Variants in DPYSL2 observed in about 807,000 individuals in gnomAD.
The protein encoded by DPYSL2 is dihydropyrimidinase like 2.
Under a neutral mutation model 69.9 loss-of-function variants are expected in DPYSL2, and 13 were observed. The ratio of observed to expected loss-of-function variants is 0.19; its 90% CI spans 0.12 to 0.30. The LOEUF (loss-of-function observed/expected upper bound fraction) is 0.30. Among genes scored for constraint, DPYSL2 ranks in the 10% least tolerant of loss-of-function variants. The pLI, the probability that DPYSL2 is intolerant of heterozygous loss-of-function variation, is 1.00. For missense variants in DPYSL2, 587 were observed against 918.9 expected (o/e 0.64, Z 4.67); for synonymous variants, 326 against 359.1 (o/e 0.91, Z 1.04).
chr8:26,544,718 C>G (rs982309985), intron 1 of DPYSL2, among the ~76,000 whole-genome samples: 2 of 152,168 alleles, frequency 1.3e-5, no homozygotes, highest in Non-Finnish European at 2.9e-5. Flanking sequence ...TTTGAGAAGA[C>G]AGCTTTTCTG....
chr8:26,622,637 G>A (rs974256065), intron 3 of DPYSL2, among the ~76,000 whole-genome samples: 1 of 152,014 alleles, frequency 6.6e-6, no homozygotes, highest in African/African-American at 2.4e-5. Flanking sequence ...CAAGTAGCTG[G>A]GACTACAGGC....
chr8:26,612,480 G>A (rs372737288), intron 3 of DPYSL2, among the ~76,000 whole-genome samples: 33 of 152,308 alleles, frequency 2.2e-4, no homozygotes, highest in African/African-American at 7.7e-4. Context: ...TAGATTCTCC[G>A]CAAGAATGGC....
intron 1 of DPYSL2, among the ~76,000 whole-genome samples, chr8:26,523,272 T>A (rs970199330): frequency 2.0e-5 from 3 of 152,122 alleles, no homozygotes; most frequent in African/African-American, 7.2e-5. Context: ...TTTAAACTAA[T>A]AAATTTGGGA....
In DPYSL2 at chr8:26,533,826, G is replaced by A. The variant is rs957945140; in HGVS notation, c.354+19147G>A. Among the ~76,000 whole-genome samples the A allele has an allele frequency of 4.6e-5, 7 of 152,228 alleles. No homozygotes were observed. The highest frequency in any genetic ancestry group is 2.0e-4 in the Admixed American group (3 of 15,284). ...AGAATTGAGGCTTGCAAGAAGTGACGTGCTGCTGCGGTGGCAGGGACTGAT... is the reference window on the plus strand; with the variant it reads ...AGAATTGAGGCTTGCAAGAAGTGACATGCTGCTGCGGTGGCAGGGACTGAT... On this transcript the variant is annotated intron_variant, in intron 1 of 13. Coordinates refer to ENST00000521913, the MANE Select transcript of DPYSL2 (RefSeq NM_001197293.3). This position sits in a 1 kb window ranked among gnomAD's most constrained non-coding sequence, Gnocchi z 4.8.
intron 1 of DPYSL2, among the ~76,000 whole-genome samples, chr8:26,522,231 C>A (rs1808398182): frequency 6.6e-6 from 1 of 152,160 alleles, no homozygotes; most frequent in Admixed American, 6.5e-5. Flanking sequence ...TCGCTTGAAC[C>A]CAGGAGCCGG....
At chr8:26,576,965 G>A (rs2129709245) in intron 1 of DPYSL2, 1 of 295,458 alleles carries the variant, frequency 3.4e-6, no homozygotes, top group East Asian at 1.7e-4. Context: ...TGACTGTAAA[G>A]CGGGCGCACA....
chr8:26,527,577 T>C (rs1808500716), intron 1 of DPYSL2, among the ~76,000 whole-genome samples: 1 of 152,124 alleles, frequency 6.6e-6, no homozygotes, highest in South Asian at 2.1e-4. Flanking sequence ...GTGCAGAGAT[T>C]TCTGGTTTGG....
chr8:26,636,331 G>A (rs1309271423), intron 8 of DPYSL2, among the ~76,000 whole-genome samples: 2 of 152,198 alleles, frequency 1.3e-5, no homozygotes, highest in Admixed American at 1.3e-4. Flanking sequence ...ACAGAAGGCC[G>A]GCCACAGCAC....
At chr8:26,566,354 A>G (rs1801148188) in intron 1 of DPYSL2, among the ~76,000 whole-genome samples, 1 of 152,178 alleles carries the variant, frequency 6.6e-6, no homozygotes, top group Non-Finnish European at 1.5e-5. Context: ...GGGGCCCTGC[A>G]GGAGAAAGGA....
In DPYSL2 at chr8:26,640,024, C is replaced by T. The variant is rs769348831; in HGVS notation, c.1127-3415C>T. Among the ~76,000 whole-genome samples the T allele has an allele frequency of 6.6e-6, 1 of 152,170 alleles. No homozygotes were observed. Among genetic ancestry groups the T allele is most frequent in the South Asian group, 2.1e-4 (1 of 4,834 alleles). On this transcript the variant is annotated intron_variant, in intron 8 of 13. Coordinates refer to ENST00000521913, the MANE Select transcript of DPYSL2 (RefSeq NM_001197293.3). This position sits in a 1 kb window ranked among gnomAD's most constrained non-coding sequence, Gnocchi z 4.2. ...GAAAGGCAAAGGAGAATGGTGAGAG[C>T]GTGTGTAACTGTCTGTCTGTCTGTC...
Position 26,655,873 on chromosome 8 carries a change from C to A in DPYSL2, c.*167C>A. On this transcript the variant is annotated 3_prime_UTR_variant, in exon 14 of 14. Transcript: ENST00000521913. ...GGGTCCCCCTTGGGGCCCCACACCC[C>A]GTCTCTCACCAAGAGTTACTGATTT... 1.9e-6 allele frequency: 1 copy of A among 531,190 alleles called. No homozygotes were observed. The highest frequency in any genetic ancestry group is 3.2e-6 in the Non-Finnish European group (1 of 312,844). 32.9% of individuals were successfully genotyped at this position (531,190 alleles called of 1,614,324 possible).
intron 7 of DPYSL2, 119 bp downstream of exon 7, chr8:26,628,059 T>C: frequency 9.7e-7 from 1 of 1,027,784 alleles, no homozygotes; most frequent in Non-Finnish European, 1.4e-6. Flanking sequence ...CTGTGGTCTT[T>C]CTGAGAAGCT....
intron 1 of DPYSL2, among the ~76,000 whole-genome samples, chr8:26,574,710 TTTCA>T (rs1172081651): frequency 7.9e-5 from 12 of 152,164 alleles, no homozygotes; most frequent in African/African-American, 2.9e-4. Context: ...TACAGGAAAT[TTTCA>T]TTGAGTGTTT....
rs1585532228 is a variant in DPYSL2 at position 26,593,900 on chromosome 8, T to C, written c.628+9917T>C. On this transcript the variant is annotated intron_variant, in intron 3 of 13. Coordinates refer to ENST00000521913, the MANE Select transcript of DPYSL2 (RefSeq NM_001197293.3). This position sits in a 1 kb window ranked among gnomAD's most constrained non-coding sequence, Gnocchi z 5.7. ...ATAGGTCAGGACTGGAATCTTTCCT[T>C]GTGGGGAGCCTGTGAGACAAAAATC... 3.3e-5 allele frequency among the ~76,000 whole-genome samples: 5 copies of C among 152,268 alleles called. No homozygotes were observed. The Middle Eastern group carries it at 0.014, about 414-fold the overall frequency.
At chr8:26,539,055 A>T (rs913150601) in intron 1 of DPYSL2, among the ~76,000 whole-genome samples, 1 of 152,174 alleles carries the variant, frequency 6.6e-6, no homozygotes, top group Non-Finnish European at 1.5e-5. Flanking sequence ...CTTGTACTCA[A>T]TGTTTAGCTC....
rs540965352 is a variant in DPYSL2, at chr8:26,626,879, C to T, written c.855+201C>T. On this transcript the variant is annotated intron_variant, in intron 5 of 13. Transcript: ENST00000521913. The surrounding 1 kb of genome is among the most constrained non-coding windows in gnomAD (Gnocchi z 4.3). ...GCCCCCAGCACTGCCACTCCGCCGC[C>T]CTGGATCTGAGGCTCTGCCCCGCAC... Among the ~76,000 whole-genome samples the T allele has an allele frequency of 6.6e-6, 1 of 152,260 alleles. No homozygotes were observed. The highest frequency in any genetic ancestry group is 2.1e-4 in the South Asian group (1 of 4,818).
intron 8 of DPYSL2, among the ~76,000 whole-genome samples, chr8:26,636,684 T>G (rs767413142): frequency 6.6e-6 from 1 of 151,938 alleles, no homozygotes; most frequent in African/African-American, 2.4e-5. Context: ...CGGTGCCCAG[T>G]TTGGACCTAT....
At position 26,605,849 on chromosome 8, in the gene DPYSL2, C is replaced by T. The variant is rs891910292; in HGVS notation, c.629-18294C>T. ...TGCTATGTTAGTGAACAGAAAAACC[C>T]AATACTGTAAAGAAGTGTATACTTT... On this transcript the variant is annotated intron_variant, in intron 3 of 13. Coordinates refer to ENST00000521913, the MANE Select transcript of DPYSL2 (RefSeq NM_001197293.3). This position sits in a 1 kb window ranked among gnomAD's most constrained non-coding sequence, Gnocchi z 4.1. Among the ~76,000 whole-genome samples the T allele has an allele frequency of 2.6e-5, 4 of 151,988 alleles. No individual in the cohort carries two copies. The highest frequency in any genetic ancestry group is 4.8e-5 in the African/African-American group (2 of 41,388).
intron 1 of DPYSL2, among the ~76,000 whole-genome samples, chr8:26,554,959 T>C (rs772342001): frequency 2.0e-5 from 3 of 152,090 alleles, no homozygotes; most frequent in African/African-American, 4.8e-5. Flanking sequence ...ACAAGAGTGG[T>C]TCAACATTCA....
Sources: allele counts gnomAD v4.1 joint callset (sites outside exome capture counted in the v4.1 genomes callset), GRCh38; gene constraint gnomAD v4.1.1; non-coding constraint Gnocchi (gnomAD v3.1); transcripts MANE v1.5; gene names NCBI Gene and HGNC (gene_info 2026-07-23, HGNC 2026-07-21).